Variants in ZNF415 observed in about 807,000 individuals in gnomAD.
ZNF415 encodes zinc finger protein 415.
Under a neutral mutation model 7.3 loss-of-function variants are expected in ZNF415, and 5 were observed. That is an observed-to-expected ratio of 0.69 (90% CI 0.36 to 1.44). The LOEUF (loss-of-function observed/expected upper bound fraction) is 1.44, where lower values mean the gene tolerates loss of function less well. ZNF415 is among the 40% of genes most tolerant of loss of function. ZNF415 has a pLI of 0.04. For synonymous variants in ZNF415, 207 were observed against 226.3 expected (o/e 0.91, Z 0.77); for missense variants, 628 against 664.8 (o/e 0.94, Z 0.61).
chr19:53,114,026 A>G (rs139232759), intron 3 of ZNF415, among the ~76,000 whole-genome samples: 83 of 152,304 alleles, frequency 5.4e-4, no homozygotes, highest in African/African-American at 1.9e-3. Context: ...ATGCTATTCA[A>G]TTATATTAAA....
intron 3 of ZNF415, among the ~76,000 whole-genome samples, chr19:53,115,021 G>A (rs1305713415): frequency 1.3e-5 from 2 of 152,128 alleles, no homozygotes; most frequent in African/African-American, 4.8e-5. Context: ...AGAGCGAACT[G>A]AGCATCAGGT....
At position 53,116,409 on chromosome 19, in the gene ZNF415, C is replaced by T. The variant is rs762854643; in HGVS notation, c.40G>A (p.Glu14Lys). 57 of 1,613,878 alleles carry T rather than the reference C, an allele frequency of 3.5e-5. No individual in the cohort carries two copies. Among genetic ancestry groups the T allele is most frequent in the Non-Finnish European group, 4.3e-5 (51 of 1,179,994 alleles). Residue 14 changes from glutamate (E) to lysine (K), a missense_variant, in exon 3 of 4, where the codon GAA becomes AAA. Glu to Lys is a moderately conservative substitution (Grantham distance 56, BLOSUM62 1). Coordinates refer to ENST00000243643, the MANE Select transcript of ZNF415 (RefSeq NM_018355.4). ...TQLTFRDVAI[E>K]FSQDEWKCLN... ...CATTTCCACTCATCTTGAGAGAATT[C>T]GATGGCCACGTCCCTGAATGTCAAC...
Position 53,120,247 on chromosome 19 carries a change from C to T in ZNF415, c.15+2415G>A, listed in dbSNP as rs189126193. ...TGATCATTACACATTCTATGACACACGTAACAAAATATCACATCTGCCCCT... is the reference window on the plus strand; with the variant it reads ...TGATCATTACACATTCTATGACACATGTAACAAAATATCACATCTGCCCCT... On this transcript the variant is annotated intron_variant, in intron 2 of 3. Coordinates refer to ENST00000243643, the MANE Select transcript of ZNF415 (RefSeq NM_018355.4). Among the ~76,000 whole-genome samples, 541 of 152,226 alleles carry T rather than the reference C, an allele frequency of 3.6e-3. 19 individuals are homozygous for T. The highest frequency in any genetic ancestry group is 0.03 in the Admixed American group (466 of 15,284).
intron 1 of ZNF415, chr19:53,129,716 C>A: frequency 2.5e-6 from 1 of 398,242 alleles, no homozygotes; most frequent in South Asian, 1.3e-4. Context: ...ATTATGATGT[C>A]ACGACCTGGA....
chr19:53,129,560 A>G (rs902010309), intron 1 of ZNF415: 10 of 403,370 alleles, frequency 2.5e-5, no homozygotes, highest in Non-Finnish European at 3.1e-5. Flanking sequence ...CCCAAATTTC[A>G]GGAGTCAGTG....
At position 53,109,124 on chromosome 19, in the gene ZNF415, C is replaced by A. The variant is rs201269260; in HGVS notation, c.921G>T (p.Lys307Asn). 3.4e-5 allele frequency: 55 copies of A among 1,613,756 alleles called. No individual in the cohort carries two copies. Among genetic ancestry groups the A allele is most frequent in the Non-Finnish European group, 4.2e-5 (49 of 1,179,998 alleles). The change falls in exon 4 of 4, where the codon AAG becomes AAT. Residue 307 changes from lysine to asparagine, a missense_variant. Coordinates refer to ENST00000243643, the MANE Select transcript of ZNF415 (RefSeq NM_018355.4). ...CAAGGCATGAATTTCGACTGAAGACCTTGTCACACTCATAACATTTGTAAG... is the reference window on the plus strand; with the variant it reads ...CAAGGCATGAATTTCGACTGAAGACATTGTCACACTCATAACATTTGTAAG... Reference protein sequence around the residue: ...EKPYKCYECDKVFSRNSCLAL... With the variant: ...EKPYKCYECDNVFSRNSCLAL...
chr19:53,119,375 G>T lies in ZNF415; in HGVS notation c.16-2942C>A, dbSNP rs554457060. ...TGGGAGAATCGCTTGAACCAGGGAG[G>T]TGGAGGTTGCAGTGAGCCAAGATTG... On this transcript the variant is annotated intron_variant, in intron 2 of 3. Transcript: ENST00000243643. Among the ~76,000 whole-genome samples, 218 of 148,636 alleles carry T rather than the reference G, an allele frequency of 1.5e-3. 1 individual carries two copies. The highest frequency in any genetic ancestry group is 5.2e-3 in the African/African-American group (211 of 40,578).
chr19:53,122,789 C>G (rs946579055), intron 1 of ZNF415, 46 bp from the exon 2 acceptor site: 1 of 1,437,398 alleles, frequency 7.0e-7, no homozygotes, highest in South Asian at 1.2e-5. Context: ...AAACAACACA[C>G]CCCCTCTTGT....
At chr19:53,116,538 A>AGT in intron 2 of ZNF415, 105 bp from the exon 3 acceptor site, 3 of 1,459,442 alleles carry the variant, frequency 2.1e-6, no homozygotes, top group Middle Eastern at 3.6e-4. Context: ...ATTTAATTGA[A>AGT]GTGTGTGTTC....
intron 2 of ZNF415, among the ~76,000 whole-genome samples, chr19:53,119,398 T>C (rs1444405143): frequency 7.4e-6 from 1 of 134,468 alleles, no homozygotes; most frequent in Non-Finnish European, 1.5e-5. Flanking sequence ...TGAGCCAAGA[T>C]TGCACCACTG....
chr19:53,129,454 C>T (rs541008791), intron 1 of ZNF415: 29 of 398,806 alleles, frequency 7.3e-5, no homozygotes, highest in African/African-American at 5.5e-4. Flanking sequence ...TTCTTGTTTT[C>T]ATTTTTAGAG....
At chr19:53,110,327 A>G (rs2086049920) in intron 3 of ZNF415, among the ~76,000 whole-genome samples, 1 of 152,224 alleles carries the variant, frequency 6.6e-6, no homozygotes, top group Non-Finnish European at 1.5e-5. Flanking sequence ...TACACAATAT[A>G]TCATAATGGT....
rs957468368 is a variant in ZNF415, at chr19:53,126,313, T to C, written c.-67-3570A>G. ...CACATCTGGCTGACTATGGGATCCC[T>C]GTCTGAGGCTCAGCAGACCCACGTG... is the stretch of plus-strand genomic sequence containing the variant. On this transcript the variant is annotated intron_variant, in intron 1 of 3. Coordinates refer to ENST00000243643, the MANE Select transcript of ZNF415 (RefSeq NM_018355.4). 2.0e-5 allele frequency among the ~76,000 whole-genome samples: 3 copies of C among 151,084 alleles called. No individual in the cohort carries two copies. The East Asian group carries it at 5.9e-4, about 30-fold the overall frequency.
chr19:53,112,570 T>C (rs1045217870), intron 3 of ZNF415, among the ~76,000 whole-genome samples: 1 of 152,108 alleles, frequency 6.6e-6, no homozygotes, highest in South Asian at 2.1e-4. Flanking sequence ...TTGTCTTGCA[T>C]AGTGAGAGTA....
rs747312324 is a variant in ZNF415 at position 53,109,106 on chromosome 19, T to C, written c.939A>G (p.Ser313=). The change falls in exon 4 of 4, where the codon TCA becomes TCG. Residue 313 remains serine, a synonymous_variant. Transcript: ENST00000243643. ...YECDKVFSRN[S]CLALHQKTHI... The stretch of plus-strand genomic sequence containing the variant: ...GAGTTTTCTGATGTAGTGCAAGGCA[T>C]GAATTTCGACTGAAGACCTTGTCAC... 6.2e-7 allele frequency: 1 copy of C among 1,614,046 alleles called. No homozygotes were observed.
chr19:53,127,302 G>A (rs1191494300), intron 1 of ZNF415, among the ~76,000 whole-genome samples: 1 of 152,186 alleles, frequency 6.6e-6, no homozygotes, highest in African/African-American at 2.4e-5. Flanking sequence ...AGTCCATAAA[G>A]GTCAGGCACT....
At chr19:53,132,307 C>T (rs925514419) in intron 1 of ZNF415, among the ~76,000 whole-genome samples, 4 of 152,106 alleles carry the variant, frequency 2.6e-5, no homozygotes, top group African/African-American at 9.7e-5. Context: ...GCGCATTTTC[C>T]ACGGGGTGGA....
chr19:53,113,118 A>C (rs2086475777), intron 3 of ZNF415, among the ~76,000 whole-genome samples: 1 of 151,122 alleles, frequency 6.6e-6, no homozygotes, highest in South Asian at 2.1e-4. Context: ...AAAAATACAG[A>C]ATTTACGACT....
At chr19:53,116,043 GA>G (rs2086962023) in intron 3 of ZNF415, 4 of 614,008 alleles carry the variant, frequency 6.5e-6, no homozygotes, top group Non-Finnish European at 1.1e-5. Flanking sequence ...CACAGGGGCA[GA>G]AAACAAGAAG....
Sources: gnomAD v4.1 joint callset for allele counts (sites outside exome capture counted in the v4.1 genomes callset) on GRCh38, gnomAD v4.1.1 for gene constraint, MANE v1.5 for transcripts, NCBI Gene and HGNC (gene_info 2026-07-23, HGNC 2026-07-21) for gene names.